The following UNC5C variants were observed in gnomAD, a reference collection of about 807,000 sequenced individuals.
UNC5C encodes the protein netrin receptor UNC5C.
In UNC5C, 47 loss-of-function variants were observed where a neutral mutation model predicts 99.8. That is an observed-to-expected ratio of 0.47 (90% CI 0.37 to 0.60). UNC5C has a LOEUF of 0.60. UNC5C is among the 20% of genes least tolerant of loss of function. The probability of loss-of-function intolerance (pLI) is 0.00; values close to 1 mark genes in which losing one functional copy is unlikely to be tolerated. For missense variants in UNC5C, 1,062 were observed against 1,165.9 expected (o/e 0.91, Z 1.30); for synonymous variants, 487 against 452.2 (o/e 1.08, Z -0.98).
At chr4:95,422,885 A>G (rs1242451560) in intron 1 of UNC5C, among the ~76,000 whole-genome samples, 1 of 152,246 alleles carries the variant, frequency 6.6e-6, no homozygotes, top group Non-Finnish European at 1.5e-5. Flanking sequence ...CAAACAAACC[A>G]AAACATGAAT....
At chr4:95,463,844 G>A (rs1351506587) in intron 1 of UNC5C, among the ~76,000 whole-genome samples, 1 of 152,098 alleles carries the variant, frequency 6.6e-6, no homozygotes, top group African/African-American at 2.4e-5. Flanking sequence ...TGCCCCCTAG[G>A]AACAGTCTAG....
At chr4:95,195,902 C>CAAA (rs397973178) in intron 12 of UNC5C, among the ~76,000 whole-genome samples, 1 of 135,476 alleles carries the variant, frequency 7.4e-6, no homozygotes. Context: ...ATGAGTCCAT[C>CAAA]AAAAAAAAAA....
intron 1 of UNC5C, among the ~76,000 whole-genome samples, chr4:95,468,199 G>A (rs1490779548): frequency 6.9e-6 from 1 of 145,472 alleles, no homozygotes; most frequent in Non-Finnish European, 1.5e-5. Context: ...TCCACCATTT[G>A]CTTTAGTTTC....
intron 7 of UNC5C, among the ~76,000 whole-genome samples, chr4:95,224,058 G>C (rs1738577132): frequency 6.6e-6 from 1 of 152,174 alleles, no homozygotes; most frequent in African/African-American, 2.4e-5. Flanking sequence ...TGAGGCAGGT[G>C]GATCGCCTGA....
chr4:95,454,705 G>A (rs1006315743), intron 1 of UNC5C, among the ~76,000 whole-genome samples: 1 of 152,004 alleles, frequency 6.6e-6, no homozygotes, highest in Admixed American at 6.6e-5. Context: ...AGGTATACTT[G>A]ATTCACTCTT....
chr4:95,283,969 T>C (rs1413738412), intron 3 of UNC5C, among the ~76,000 whole-genome samples: 3 of 152,234 alleles, frequency 2.0e-5, no homozygotes, highest in Non-Finnish European at 4.4e-5. Flanking sequence ...AATAAATCCA[T>C]ACACTGAAAT....
At chr4:95,506,501 T>C (rs1721926571) in intron 1 of UNC5C, among the ~76,000 whole-genome samples, 1 of 152,002 alleles carries the variant, frequency 6.6e-6, no homozygotes, top group East Asian at 1.9e-4. Flanking sequence ...CACTCACATA[T>C]TTAAAAGTTG....
In UNC5C at chr4:95,167,456, A is replaced by G. The variant is rs1353938460; in HGVS notation, c.*1778T>C. The G allele has an allele frequency of 6.6e-6, 1 of 152,222 alleles. No individual in the cohort carries two copies. The highest frequency in any genetic ancestry group is 1.5e-5 in the Non-Finnish European group (1 of 68,038). 9.4% of individuals were successfully genotyped at this position (152,222 alleles called of 1,614,324 possible). A position where few individuals can be genotyped will look rare whatever the true frequency, so the allele number is the denominator to read the frequency against. On this transcript the variant is annotated 3_prime_UTR_variant, in exon 16 of 16. Coordinates refer to ENST00000453304, the MANE Select transcript of UNC5C (RefSeq NM_003728.4). ...TAACTAGACAGCTTTTATAAATGCT[A>G]CTGAATATTATGACAGCAAAGAAAG...
At chr4:95,223,011 A>G (rs1339071865) in intron 7 of UNC5C, among the ~76,000 whole-genome samples, 1 of 152,176 alleles carries the variant, frequency 6.6e-6, no homozygotes, top group Non-Finnish European at 1.5e-5. Context: ...AAAAACTTTC[A>G]TCTCAATAGA....
chr4:95,299,386 A>G (rs188550328), intron 3 of UNC5C, among the ~76,000 whole-genome samples: 128 of 152,270 alleles, frequency 8.4e-4, no homozygotes, highest in Non-Finnish European at 1.7e-3. Flanking sequence ...ATAAATTTCT[A>G]TTGTTTAAGC....
intron 3 of UNC5C, among the ~76,000 whole-genome samples, chr4:95,282,117 G>A (rs1741080280): frequency 6.6e-6 from 1 of 152,122 alleles, no homozygotes; most frequent in Non-Finnish European, 1.5e-5. Context: ...GGCATCACCA[G>A]GGAGAGACTG....
intron 3 of UNC5C, among the ~76,000 whole-genome samples, chr4:95,294,491 G>A (rs1579303070): frequency 6.6e-6 from 1 of 152,148 alleles, no homozygotes; most frequent in Non-Finnish European, 1.5e-5. Context: ...AAATCCGGAG[G>A]AGCCATCCTG....
chr4:95,355,605 C>T (rs1024694307), intron 1 of UNC5C, among the ~76,000 whole-genome samples: 6 of 151,938 alleles, frequency 3.9e-5, no homozygotes, highest in African/African-American at 7.2e-5. Context: ...TTCTTTTCTG[C>T]GCCCCACCCC....
chr4:95,433,981 C>G (rs1159107990), intron 1 of UNC5C, among the ~76,000 whole-genome samples: 1 of 152,054 alleles, frequency 6.6e-6, no homozygotes, highest in Non-Finnish European at 1.5e-5. Context: ...AATATCACTT[C>G]CTTAAAAATG....
chr4:95,446,916 A>G (rs1436839038), intron 1 of UNC5C, among the ~76,000 whole-genome samples: 1 of 152,226 alleles, frequency 6.6e-6, no homozygotes, highest in Non-Finnish European at 1.5e-5. Flanking sequence ...TGGTCTCCAC[A>G]GCATTTCTCT....
At chr4:95,452,905 T>A (rs1747317346) in intron 1 of UNC5C, among the ~76,000 whole-genome samples, 1 of 152,190 alleles carries the variant, frequency 6.6e-6, no homozygotes, top group Non-Finnish European at 1.5e-5. Flanking sequence ...ATTGCTGAAA[T>A]GATACTCACT....
chr4:95,357,505 A>C (rs56916207), intron 1 of UNC5C, among the ~76,000 whole-genome samples: 33,173 of 151,786 alleles, frequency 0.22, 4,219 homozygotes, highest in African/African-American at 0.34. Context: ...AATACTGTCC[A>C]GGCCTGTTGT....
intron 1 of UNC5C, among the ~76,000 whole-genome samples, chr4:95,396,365 A>G: frequency 6.6e-6 from 1 of 152,230 alleles, no homozygotes; most frequent in Non-Finnish European, 1.5e-5. Context: ...AGTCTGTGAG[A>G]TAAGAAGAGG....
At chr4:95,546,178 C>T (rs1288895744) in intron 1 of UNC5C, among the ~76,000 whole-genome samples, 1 of 152,168 alleles carries the variant, frequency 6.6e-6, no homozygotes, top group East Asian at 1.9e-4. Flanking sequence ...GACTTTCATT[C>T]ATAAGAAATA....
Sources: gnomAD v4.1 joint callset for allele counts (sites outside exome capture counted in the v4.1 genomes callset) on GRCh38, gnomAD v4.1.1 for gene constraint, MANE v1.5 for transcripts, NCBI Gene and HGNC (gene_info 2026-07-23, HGNC 2026-07-21) for gene names.